Variants in EPHA3 observed in about 807,000 individuals in gnomAD.
The protein encoded by EPHA3 is EPH receptor A3, also known as ephrin type-A receptor 3.
Under a neutral mutation model 107.1 loss-of-function variants are expected in EPHA3, and 42 were observed. That is an observed-to-expected ratio of 0.39 (90% CI 0.31 to 0.51). The LOEUF (loss-of-function observed/expected upper bound fraction) is 0.51, where lower values mean the gene tolerates loss of function less well. Ranked by LOEUF, EPHA3 falls within the 20% of genes least tolerant of loss-of-function variation. The pLI is 0.78. For missense variants in EPHA3, 1,183 were observed against 1,211.2 expected (o/e 0.98, Z 0.35); for synonymous variants, 461 against 424.8 (o/e 1.09, Z -1.05).
chr3:89,232,538 T>C (rs1244988628), intron 3 of EPHA3, among the ~76,000 whole-genome samples: 1 of 152,116 alleles, frequency 6.6e-6, no homozygotes, highest in Non-Finnish European at 1.5e-5. Flanking sequence ...TGTAAAACAA[T>C]ATAACCATAC....
intron 5 of EPHA3, among the ~76,000 whole-genome samples, chr3:89,390,355 T>A (rs1708701346): frequency 6.6e-6 from 1 of 152,084 alleles, no homozygotes; most frequent in Admixed American, 6.5e-5. Flanking sequence ...TGCTAGCACT[T>A]TGGGAGGCCA....
At chr3:89,407,068 A>C (rs760539896) in intron 7 of EPHA3, among the ~76,000 whole-genome samples, 77 of 152,160 alleles carry the variant, frequency 5.1e-4, no homozygotes, top group Non-Finnish European at 9.6e-4. Context: ...ATTAGGTAGA[A>C]ATTTCAAGCA....
chr3:89,357,613 A>G (rs1338992247), intron 5 of EPHA3, among the ~76,000 whole-genome samples: 1 of 151,316 alleles, frequency 6.6e-6, no homozygotes, highest in Non-Finnish European at 1.5e-5. Context: ...ACAGATTTTC[A>G]ACATATCAAA....
intron 5 of EPHA3, among the ~76,000 whole-genome samples, chr3:89,376,513 T>A (rs1309607679): frequency 1.3e-5 from 2 of 151,972 alleles, no homozygotes; most frequent in Admixed American, 1.3e-4. Flanking sequence ...AATAAATGAT[T>A]TTCTAACTGG....
intron 3 of EPHA3, among the ~76,000 whole-genome samples, chr3:89,250,716 A>G (rs1354499583): frequency 2.0e-5 from 3 of 152,218 alleles, no homozygotes; most frequent in Non-Finnish European, 4.4e-5. Context: ...ATCACTGCCC[A>G]TTAGCAAGAT....
At chr3:89,229,157 T>G (rs1464072125) in intron 3 of EPHA3, among the ~76,000 whole-genome samples, 1 of 151,970 alleles carries the variant, frequency 6.6e-6, no homozygotes, top group Non-Finnish European at 1.5e-5. Context: ...GTTAAGAGTG[T>G]GAATGAATGT....
chr3:89,427,126 C>A (rs1214137914), intron 11 of EPHA3, among the ~76,000 whole-genome samples: 1 of 151,656 alleles, frequency 6.6e-6, no homozygotes, highest in Non-Finnish European at 1.5e-5. Flanking sequence ...TTACATGGTG[C>A]CTTAAAGACA....
intron 3 of EPHA3, among the ~76,000 whole-genome samples, chr3:89,279,918 A>G (rs187838060): frequency 8.5e-4 from 129 of 152,308 alleles, no homozygotes; most frequent in Middle Eastern, 3.4e-3. Context: ...AATGATCTTT[A>G]TTAAACACAT....
intron 3 of EPHA3, among the ~76,000 whole-genome samples, chr3:89,264,752 A>C (rs1264098480): frequency 6.6e-6 from 1 of 152,146 alleles, no homozygotes; most frequent in Admixed American, 6.6e-5. Flanking sequence ...TATTTATTGA[A>C]TCAATAAATA....
intron 3 of EPHA3, 133 bp from the exon 4 acceptor site, chr3:89,340,783 T>C: frequency 1.1e-6 from 1 of 900,854 alleles, no homozygotes; most frequent in Non-Finnish European, 1.5e-6. Flanking sequence ...TGTCATTTGC[T>C]TCTGTAAATT....
intron 3 of EPHA3, among the ~76,000 whole-genome samples, chr3:89,231,748 A>C (rs1230064842): frequency 6.6e-6 from 1 of 152,210 alleles, no homozygotes; most frequent in Non-Finnish European, 1.5e-5. Flanking sequence ...TGCTGTAGCA[A>C]AAACAGATTA....
At chr3:89,196,266 C>A (rs930037722) in intron 2 of EPHA3, among the ~76,000 whole-genome samples, 4 of 152,284 alleles carry the variant, frequency 2.6e-5, no homozygotes, top group African/African-American at 9.6e-5. Context: ...ATTTTGAAAT[C>A]TTCCCCTCCT....
intron 2 of EPHA3, among the ~76,000 whole-genome samples, chr3:89,143,441 C>T (rs2107021765): frequency 6.6e-6 from 1 of 151,566 alleles, no homozygotes; most frequent in East Asian, 1.9e-4. Flanking sequence ...AGAAACAAGT[C>T]TTACCCACAA....
At chr3:89,113,207 T>G (rs79551697) in intron 1 of EPHA3, among the ~76,000 whole-genome samples, 20,292 of 152,118 alleles carry the variant, frequency 0.13, 1,453 homozygotes, top group African/African-American at 0.19. Context: ...TGTGGAAACC[T>G]TAGCTAACTC....
At chr3:89,206,139 A>G (rs1302990211) in intron 2 of EPHA3, among the ~76,000 whole-genome samples, 5 of 152,302 alleles carry the variant, frequency 3.3e-5, no homozygotes, top group Middle Eastern at 3.4e-3. Context: ...TTTGGCCTTC[A>G]TTACAAATTA....
At chr3:89,248,448 C>T (rs185109920) in intron 3 of EPHA3, among the ~76,000 whole-genome samples, 1 of 152,276 alleles carries the variant, frequency 6.6e-6, no homozygotes, top group East Asian at 1.9e-4. Context: ...GACATAAGTG[C>T]CCAGTTGCCA....
chr3:89,258,936 A>G (rs1705349914), intron 3 of EPHA3, among the ~76,000 whole-genome samples: 1 of 152,104 alleles, frequency 6.6e-6, no homozygotes, highest in African/African-American at 2.4e-5. Flanking sequence ...TTTACACCAA[A>G]CAACAATGAA....
intron 13 of EPHA3, 91 bp downstream of exon 13, chr3:89,431,450 G>T (rs931101911): frequency 8.4e-6 from 9 of 1,071,816 alleles, no homozygotes; most frequent in South Asian, 1.6e-5. Context: ...GACCCAAAAC[G>T]TGTTGTCAAT....
intron 3 of EPHA3, among the ~76,000 whole-genome samples, chr3:89,289,614 A>G (rs1270752127): frequency 6.6e-6 from 1 of 152,024 alleles, no homozygotes; most frequent in Non-Finnish European, 1.5e-5. Flanking sequence ...TAGGTACTGT[A>G]TTGTTAGAAA....
Sources: gnomAD v4.1 joint callset for allele counts (sites outside exome capture counted in the v4.1 genomes callset) on GRCh38, gnomAD v4.1.1 for gene constraint, MANE v1.5 for transcripts, NCBI Gene and HGNC (gene_info 2026-07-23, HGNC 2026-07-21) for gene names.